Variants in ADGRA1 observed in about 807,000 individuals in gnomAD.
The protein encoded by ADGRA1 is G-protein coupled receptor 123.
ADGRA1 carries 12 observed loss-of-function variants against 21.3 expected under a neutral mutation model. The observed-to-expected ratio is 0.56, with a 90% CI of 0.36 to 0.91. ADGRA1 has a LOEUF of 0.91. Ranked by LOEUF, ADGRA1 falls within the 40% of genes least tolerant of loss-of-function variation. The probability of loss-of-function intolerance (pLI) is 0.01; values close to 1 mark genes in which losing one functional copy is unlikely to be tolerated. For missense variants in ADGRA1, 790 were observed against 805.6 expected (o/e 0.98, Z 0.23); for synonymous variants, 385 against 368.8 (o/e 1.04, Z -0.50).
In ADGRA1 at chr10:133,088,921, G is replaced by A. The variant is rs375891033; in HGVS notation, c.3+9G>A. The A allele has an allele frequency of 2.4e-6, 3 of 1,241,182 alleles. No homozygotes were observed. Among genetic ancestry groups the A allele is most frequent in the South Asian group, 4.0e-5 (1 of 24,818 alleles). 76.9% of individuals were successfully genotyped at this position (1,241,182 alleles called of 1,614,324 possible). ...ACTTTGCAGCGCTCATGGTGAGTAC[G>A]GGGGTCCCGGGGGTCCTGCAGCTGG... is the stretch of plus-strand genomic sequence containing the variant. On this transcript the variant is annotated intron_variant, in intron 2 of 6. Coordinates refer to ENST00000392607, the MANE Select transcript of ADGRA1 (RefSeq NM_001083909.3).
In ADGRA1 at chr10:133,097,002, G is replaced by A. The variant is rs752794049; in HGVS notation, c.32G>A (p.Arg11His). The A allele has an allele frequency of 3.0e-5, 49 of 1,613,068 alleles. No homozygotes were observed. Among genetic ancestry groups the A allele is most frequent in the South Asian group, 1.4e-4 (13 of 91,064 alleles). The change falls in exon 3 of 7, where the codon CGC (arginine) becomes CAC (histidine). Residue 11 changes from arginine to histidine, a missense_variant. Arg to His is a conservative substitution (Grantham distance 29, BLOSUM62 0). Around this residue, in one of 3 missense-constraint regions of ADGRA1, gnomAD observed 382 missense variants for 415.6 expected, o/e 0.92. Transcript: ENST00000392607. MDLKTVLSLP[R>H]YPGEFLHPVV... is the part of the protein sequence containing the mutation. The stretch of plus-strand genomic sequence containing the variant: ...CTGAAGACAGTGCTCTCCCTGCCCC[G>A]CTACCCAGGGGAGTTCCTGCACCCC...
chr10:133,104,349 G>A (rs1002313387), intron 5 of ADGRA1, among the ~76,000 whole-genome samples: 7 of 152,192 alleles, frequency 4.6e-5, no homozygotes, highest in South Asian at 2.1e-4. Flanking sequence ...CTCAAAATGC[G>A]TTTCCTCATC....
In ADGRA1 at chr10:133,129,513, TG is replaced by T. The variant is rs773109106; in HGVS notation, c.*7del. ...TGGAAAAACGAAACTACTGTGTAGA[TG>T]GGGGCAGAGGACACGGTGTTCCTGG... On this transcript the variant is annotated 3_prime_UTR_variant, in exon 7 of 7. Transcript: ENST00000392607. 1.3e-6 allele frequency: 2 copies of T among 1,586,978 alleles called. No individual in the cohort carries two copies. Among genetic ancestry groups the T allele is most frequent in the Non-Finnish European group, 1.7e-6 (2 of 1,173,136 alleles).
chr10:133,101,143 A>T (rs917863880), intron 4 of ADGRA1, among the ~76,000 whole-genome samples: 11 of 152,120 alleles, frequency 7.2e-5, no homozygotes, highest in African/African-American at 2.7e-4. Context: ...GTCTAGTAAA[A>T]ACTAGACTTG....
chr10:133,100,534 C>T (rs556924844), intron 4 of ADGRA1, among the ~76,000 whole-genome samples: 43 of 152,316 alleles, frequency 2.8e-4, no homozygotes, highest in African/African-American at 5.5e-4. Context: ...CAGCTCGGGG[C>T]GGATGCTGGG....
intron 2 of ADGRA1, among the ~76,000 whole-genome samples, chr10:133,089,903 A>AG (rs1373730878): frequency 6.6e-6 from 1 of 152,202 alleles, no homozygotes; most frequent in East Asian, 1.9e-4. Context: ...GCAGCACCTC[A>AG]GGGGGCAGCA....
intron 5 of ADGRA1, among the ~76,000 whole-genome samples, chr10:133,110,231 C>T (rs1214861010): frequency 1.3e-5 from 2 of 152,280 alleles, no homozygotes; most frequent in Middle Eastern, 3.2e-3. Flanking sequence ...GCAAAGTGTG[C>T]CCCGCACTTC....
chr10:133,116,304 G>A (rs1389175810), intron 5 of ADGRA1, among the ~76,000 whole-genome samples: 1 of 152,068 alleles, frequency 6.6e-6, no homozygotes, highest in Non-Finnish European at 1.5e-5. Flanking sequence ...GGCCTGTGGG[G>A]GACCCCAAAG....
chr10:133,088,017 C>T lies in ADGRA1; in HGVS notation c.-324C>T. On this transcript the variant is annotated 5_prime_UTR_variant, in exon 1 of 7. Transcript: ENST00000392607. ...CCGCAGCCCCGCAATCTGTTGATAA[C>T]TCGGTCCCAGCTCGGCCGCTGCCCT... The T allele has an allele frequency of 2.0e-6, 2 of 985,058 alleles. No individual in the cohort carries two copies. The highest frequency in any genetic ancestry group is 2.4e-6 in the Non-Finnish European group (2 of 829,808). The allele number at this position is 985,058 out of a possible 1,614,324, so 61.0% of individuals were successfully genotyped here. A position where few individuals can be genotyped will look rare whatever the true frequency, so the allele number is the denominator to read the frequency against.
intron 5 of ADGRA1, among the ~76,000 whole-genome samples, chr10:133,113,698 C>T (rs1379488647): frequency 2.3e-5 from 3 of 130,866 alleles, no homozygotes; most frequent in Middle Eastern, 4.4e-3. Context: ...AGCAAGCGAC[C>T]TGGCGCCTGC....
intron 6 of ADGRA1, among the ~76,000 whole-genome samples, chr10:133,128,112 A>G: frequency 7.3e-6 from 1 of 136,500 alleles, no homozygotes; most frequent in Non-Finnish European, 1.6e-5. Flanking sequence ...CACCTGGGAC[A>G]CTTTCCTGGC....
rs78013280 is a variant in ADGRA1, at chr10:133,125,661, C to T, written c.402-1572C>T. 9.9e-5 allele frequency among the ~76,000 whole-genome samples: 15 copies of T among 152,186 alleles called. No individual in the cohort carries two copies. In the East Asian group the frequency reaches 2.3e-3, roughly 24 times the overall value. ...AGCCAGGATGGTCTCGGTCTCCTGA[C>T]CTCGTGATCTGCCCACCTCAGCCTC... On this transcript the variant is annotated intron_variant, in intron 5 of 6. Transcript: ENST00000392607.
intron 5 of ADGRA1, among the ~76,000 whole-genome samples, chr10:133,121,811 TTGTG>T (rs752819208): frequency 2.1e-5 from 3 of 145,376 alleles, no homozygotes; most frequent in Non-Finnish European, 3.0e-5. Context: ...GTGAGTGTGC[TTGTG>T]TGTGTGCATG....
intron 5 of ADGRA1, among the ~76,000 whole-genome samples, chr10:133,119,495 A>G (rs1852217870): frequency 6.6e-6 from 1 of 152,248 alleles, no homozygotes; most frequent in Non-Finnish European, 1.5e-5. Flanking sequence ...CACTTTACCC[A>G]CAGTGGAACT....
At chr10:133,105,972 T>G (rs979696507) in intron 5 of ADGRA1, among the ~76,000 whole-genome samples, 1 of 152,196 alleles carries the variant, frequency 6.6e-6, no homozygotes, top group African/African-American at 2.4e-5. Flanking sequence ...ACTTTCTAGA[T>G]GGGGATTCAC....
intron 5 of ADGRA1, among the ~76,000 whole-genome samples, chr10:133,118,591 G>A (rs1000038962): frequency 4.6e-5 from 7 of 152,062 alleles, no homozygotes; most frequent in Non-Finnish European, 1.5e-5. Flanking sequence ...GAGTGAAGGG[G>A]GAAGAGCCTC....
chr10:133,088,996 T>C (rs1851553654), intron 2 of ADGRA1, 84 bp downstream of exon 2: 3 of 1,234,514 alleles, frequency 2.4e-6, no homozygotes, highest in Non-Finnish European at 3.0e-6. Context: ...ACTCCCAGGC[T>C]GGAAAAGTTG....
chr10:133,128,546 G>A lies in ADGRA1; in HGVS notation c.718G>A (p.Ala240Thr). 6.4e-7 allele frequency: 1 copy of A among 1,551,664 alleles called. No homozygotes were observed. Among genetic ancestry groups the A allele is most frequent in the Non-Finnish European group, 8.7e-7 (1 of 1,149,718 alleles). ...GCCAGGCACCCCACCCGCACACGAT[G>A]CCCCCGGCGCCTCCGTGCTGCAGAA... ...IRPGTPPAHDAPGASVLQNEH... is the reference protein window; with the variant it reads ...IRPGTPPAHDTPGASVLQNEH... Residue 240 changes from alanine (A) to threonine (T), a missense_variant, in exon 7 of 7, where the codon GCC becomes ACC. Ala to Thr is a moderately conservative substitution (Grantham distance 58). This residue lies in a region of ADGRA1 where 382 missense variants were observed against 415.6 expected (regional missense o/e 0.92). Transcript: ENST00000392607.
At position 133,112,238 on chromosome 10, in the gene ADGRA1, T is replaced by A. The variant is rs193287454; in HGVS notation, c.401+9396T>A. On this transcript the variant is annotated intron_variant, in intron 5 of 6. Transcript: ENST00000392607. ...TGATTCCCCATTTAGCCATGAATAA[T>A]GACATCTTAATTTTGCAGTACGGCC... Among the ~76,000 whole-genome samples, 127 of 152,376 alleles carry A rather than the reference T, an allele frequency of 8.3e-4. 1 individual carries two copies. Among genetic ancestry groups the A allele is most frequent in the African/African-American group, 2.9e-3 (119 of 41,598 alleles).
Sources: allele counts gnomAD v4.1 joint callset (sites outside exome capture counted in the v4.1 genomes callset), GRCh38; gene constraint gnomAD v4.1.1; regional missense constraint gnomAD v4.1.1; transcripts MANE v1.5; gene names NCBI Gene and HGNC (gene_info 2026-07-23, HGNC 2026-07-21).